The following UTS2 variants were observed in gnomAD, a reference collection of about 807,000 sequenced individuals.
UTS2 encodes urotensin 2.
In UTS2, 10 loss-of-function variants were observed where a neutral mutation model predicts 12.6. The ratio of observed to expected loss-of-function variants is 0.80; its 90% CI spans 0.49 to 1.35. UTS2 has a LOEUF of 1.35. Among genes scored for constraint, UTS2 ranks in the 40% most tolerant of loss-of-function variants. UTS2 has a pLI of 0.00. For missense variants in UTS2, 142 were observed against 143.2 expected, an observed-to-expected ratio of 0.99 and a Z score of 0.04; for synonymous variants, 52 against 50.0, an observed-to-expected ratio of 1.04 and a Z score of -0.17.
the UTS2 span, among the ~76,000 whole-genome samples, chr1:7,906,976 C>T: frequency 3.0e-4 from 46 of 152,062 alleles, no homozygotes; most frequent in African/African-American, 9.9e-4. Context: ...ATGGGCTGCA[C>T]GCAGTGGCTC....
At position 7,847,799 on chromosome 1, in the gene UTS2, C is replaced by T. The variant is rs757148544; in HGVS notation, c.342G>A (p.Glu114=). The T allele has an allele frequency of 4.6e-5, 74 of 1,613,794 alleles. No individual in the cohort carries two copies. The South Asian group carries it at 6.5e-4, about 14-fold the overall frequency. Reference sequence around the variant, plus strand: ...AGTATTTCCAGAAGCAATCAGGAGTCTCACGTTTCTTGTATGGTTTCCAGA... The same window carrying T: ...AGTATTTCCAGAAGCAATCAGGAGTTTCACGTTTCTTGTATGGTTTCCAGA... The part of the protein sequence containing the change: ...ARIWKPYKKR[E]TPDCFWKYCV The change falls in exon 4 of 4, where the codon GAG becomes GAA. Residue 114 remains glutamate, a synonymous_variant. Coordinates refer to ENST00000361696, the MANE Select transcript of UTS2 (RefSeq NM_006786.4).
chr1:7,863,496 T>C, the UTS2 span, among the ~76,000 whole-genome samples: 1 of 152,180 alleles, frequency 6.6e-6, no homozygotes, highest in Non-Finnish European at 1.5e-5. Context: ...CCATCTCACT[T>C]ACCACGTTTT....
chr1:7,860,481 G>A, the UTS2 span, among the ~76,000 whole-genome samples: 75 of 152,152 alleles, frequency 4.9e-4, no homozygotes, highest in Non-Finnish European at 9.4e-4. Flanking sequence ...ACAGGCTCCG[G>A]AAGCCACCGT....
At chr1:7,861,269 G>T in the UTS2 span, among the ~76,000 whole-genome samples, 1 of 152,140 alleles carries the variant, frequency 6.6e-6, no homozygotes, top group Admixed American at 6.5e-5. Context: ...TCAGTGATTT[G>T]GTTTGGAAGT....
chr1:7,853,561 T>C, upstream of UTS2: 1 of 1,320,380 alleles, frequency 7.6e-7, no homozygotes, highest in South Asian at 1.4e-5. Flanking sequence ...AAAGTTAAAA[T>C]ACATAGCAAA....
chr1:7,850,979 G>T, intron 1 of UTS2, 57 bp from the exon 2 acceptor site: 1 of 1,557,520 alleles, frequency 6.4e-7, no homozygotes, highest in Non-Finnish European at 8.8e-7. Context: ...AGTTATTTCT[G>T]TTCCTTGTGT....
At chr1:7,892,811 G>C in the UTS2 span, among the ~76,000 whole-genome samples, 1 of 151,874 alleles carries the variant, frequency 6.6e-6, no homozygotes, top group Non-Finnish European at 1.5e-5. Context: ...CACTTAAAGG[G>C]ACCCTTGTGA....
At chr1:7,903,130 C>CCTTTTTTTAATTATTAAT in the UTS2 span, among the ~76,000 whole-genome samples, 172 of 33,552 alleles carry the variant, frequency 5.1e-3, 20 homozygotes, top group South Asian at 7.8e-3. Context: ...TCCCCTCCTT[C>CCTTTTTTTAATTATTAAT]TCCTGCTTCC....
At chr1:7,857,492 G>A (rs1389876489), upstream of UTS2, among the ~76,000 whole-genome samples, 1 of 150,444 alleles carries the variant, frequency 6.6e-6, no homozygotes, top group Non-Finnish European at 1.5e-5. Flanking sequence ...AAAAAAAGAT[G>A]AGCTTGTGGG....
At chr1:7,868,461 G>T in the UTS2 span, among the ~76,000 whole-genome samples, 1 of 152,154 alleles carries the variant, frequency 6.6e-6, no homozygotes, top group Admixed American at 6.5e-5. Context: ...GGCCCTGTGG[G>T]GTAGCAGGGA....
chr1:7,881,200 G>A, the UTS2 span, among the ~76,000 whole-genome samples: 1 of 152,178 alleles, frequency 6.6e-6, no homozygotes, highest in Non-Finnish European at 1.5e-5. Flanking sequence ...ATGGGGAAAA[G>A]CTGAAAGCCT....
At chr1:7,912,912 T>TTC in the UTS2 span, among the ~76,000 whole-genome samples, 6 of 151,824 alleles carry the variant, frequency 4.0e-5, no homozygotes, top group Admixed American at 6.6e-5. Flanking sequence ...TATTTTTTTT[T>TTC]TCTCTCTCTC....
the UTS2 span, among the ~76,000 whole-genome samples, chr1:7,900,001 C>A: frequency 6.6e-6 from 1 of 152,182 alleles, no homozygotes; most frequent in Non-Finnish European, 1.5e-5. Flanking sequence ...AGAGTGTACC[C>A]AACCCGGAAG....
intron 1 of UTS2, 51 bp from the exon 2 acceptor site, chr1:7,850,973 A>T (rs192375639): frequency 3.2e-6 from 5 of 1,575,198 alleles, no homozygotes; most frequent in Non-Finnish European, 4.4e-6. Flanking sequence ...TCAGTTAGTT[A>T]TTTCTGTTCC....
upstream of UTS2, chr1:7,853,316 T>A (rs899960240): frequency 6.2e-7 from 1 of 1,614,046 alleles, no homozygotes; most frequent in South Asian, 1.1e-5. Flanking sequence ...CAGCAATAAA[T>A]CATGAATTAA....
the UTS2 span, among the ~76,000 whole-genome samples, chr1:7,859,018 G>A: frequency 6.6e-6 from 1 of 152,130 alleles, no homozygotes; most frequent in African/African-American, 2.4e-5. Context: ...TCATAATTTG[G>A]GGTGATCTGT....
At chr1:7,911,730 C>T in the UTS2 span, among the ~76,000 whole-genome samples, 2 of 151,994 alleles carry the variant, frequency 1.3e-5, no homozygotes, top group African/African-American at 2.4e-5. Flanking sequence ...GGCGAAACCC[C>T]GTCTCTACTA....
the UTS2 span, among the ~76,000 whole-genome samples, chr1:7,888,507 T>A: frequency 6.6e-6 from 1 of 152,212 alleles, no homozygotes; most frequent in African/African-American, 2.4e-5. Flanking sequence ...TCTGTACCTT[T>A]CTTTTCATTC....
At chr1:7,907,420 G>A in the UTS2 span, among the ~76,000 whole-genome samples, 1 of 152,150 alleles carries the variant, frequency 6.6e-6, no homozygotes, top group Admixed American at 6.5e-5. Flanking sequence ...GCTGAGGCGG[G>A]AGGATTTCTG....
Sources: allele counts gnomAD v4.1 joint callset (sites outside exome capture counted in the v4.1 genomes callset), GRCh38; gene constraint gnomAD v4.1.1; transcripts MANE v1.5; gene names NCBI Gene and HGNC (gene_info 2026-07-23, HGNC 2026-07-21).